The following RBFOX1 variants were observed in gnomAD, a reference collection of about 807,000 sequenced individuals.
RBFOX1 encodes RNA binding fox-1 homolog 1.
RBFOX1 carries 8 observed loss-of-function variants against 57.7 expected under a neutral mutation model. That is an observed-to-expected ratio of 0.14 (90% CI 0.08 to 0.25). The LOEUF (loss-of-function observed/expected upper bound fraction) is 0.25. RBFOX1 is among the 10% of genes least tolerant of loss of function. The probability of loss-of-function intolerance (pLI) is 1.00; values close to 1 mark genes in which losing one functional copy is unlikely to be tolerated. For synonymous variants in RBFOX1, 326 were observed against 222.4 expected (o/e 1.47, Z -4.15); for missense variants, 611 against 548.5 (o/e 1.11, Z -1.14).
intron 4 of RBFOX1, among the ~76,000 whole-genome samples, chr16:5,903,021 C>T (rs2058345496): frequency 6.6e-6 from 1 of 152,126 alleles, no homozygotes; most frequent in Non-Finnish European, 1.5e-5. Flanking sequence ...CCCTTTCCAG[C>T]CTCCCATGGT....
At chr16:5,761,746 C>G (rs2151646363) in intron 3 of RBFOX1, among the ~76,000 whole-genome samples, 2 of 152,306 alleles carry the variant, frequency 1.3e-5, no homozygotes, top group Middle Eastern at 6.8e-3. Flanking sequence ...ACACAGCAAA[C>G]TCTATCAGGC....
chr16:7,597,540 T>C, intron 9 of RBFOX1, 109 bp downstream of exon 9: 1 of 992,566 alleles, frequency 1.0e-6, no homozygotes, highest in Non-Finnish European at 1.5e-6. Context: ...GCATTGACAC[T>C]GTGTTTTTAC....
At chr16:6,878,560 C>T (rs1217230445) in intron 3 of RBFOX1, among the ~76,000 whole-genome samples, 2 of 152,190 alleles carry the variant, frequency 1.3e-5, no homozygotes, top group Admixed American at 6.5e-5. Flanking sequence ...GTTGCCACAG[C>T]ATCACATGGC....
At chr16:6,355,285 GC>G (rs1300777711) in intron 2 of RBFOX1, among the ~76,000 whole-genome samples, 2 of 150,722 alleles carry the variant, frequency 1.3e-5, no homozygotes, top group Non-Finnish European at 3.0e-5. Flanking sequence ...CACTCCCCCA[GC>G]CCCCCAGCCC....
At chr16:6,081,388 T>C (rs929111030) in intron 1 of RBFOX1, among the ~76,000 whole-genome samples, 6 of 152,160 alleles carry the variant, frequency 3.9e-5, no homozygotes, top group Non-Finnish European at 8.8e-5. Flanking sequence ...TGTTTCTCTG[T>C]CGGATGCCTG....
At chr16:7,285,075 CTTTTTT>C (rs58959488) in intron 4 of RBFOX1, among the ~76,000 whole-genome samples, 1,553 of 42,406 alleles carry the variant, frequency 0.037, 17 homozygotes, top group East Asian at 0.091. Context: ...AGATTCCTTA[CTTTTTT>C]TTTTTTTTTT....
chr16:6,837,231 T>A (rs1041452975), intron 3 of RBFOX1, among the ~76,000 whole-genome samples: 2 of 152,200 alleles, frequency 1.3e-5, no homozygotes, highest in African/African-American at 4.8e-5. Flanking sequence ...ATCTCCGTGT[T>A]TTAACACTTG....
chr16:6,812,884 C>T (rs980089322), intron 3 of RBFOX1, among the ~76,000 whole-genome samples: 1 of 152,136 alleles, frequency 6.6e-6, no homozygotes, highest in South Asian at 2.1e-4. Flanking sequence ...AGTCCTTTGT[C>T]CATCATGTCA....
chr16:6,181,265 C>A (rs1263130829), intron 1 of RBFOX1, among the ~76,000 whole-genome samples: 1 of 152,188 alleles, frequency 6.6e-6, no homozygotes, highest in Non-Finnish European at 1.5e-5. Flanking sequence ...GGCAACTGAG[C>A]TGCCAGTACT....
chr16:6,713,694 T>C (rs1025717853), intron 3 of RBFOX1, among the ~76,000 whole-genome samples: 4 of 152,196 alleles, frequency 2.6e-5, no homozygotes, highest in African/African-American at 7.2e-5. Flanking sequence ...CCCTTGTTTT[T>C]AGACATTTGC....
Position 6,125,175 on chromosome 16 carries a change from TTACCTCCTCTTACAGTCA to T in RBFOX1, c.-127+105186_-127+105203del, listed in dbSNP as rs1349179889. On this transcript the variant is annotated intron_variant, in intron 1 of 15. Coordinates refer to ENST00000550418, the MANE Select transcript of RBFOX1 (RefSeq NM_018723.4). ...CATTGTGCAGCTCCCTGTGCATGTG[TTACCTCCTCTTACAGTCA>T]TATCTTTGTCAAGCCCCCAAATCCT... Among the ~76,000 whole-genome samples, 4 of 152,324 alleles carry T rather than the reference TTACCTCCTCTTACAGTCA, an allele frequency of 2.6e-5. No individual in the cohort carries two copies. In the East Asian group the frequency reaches 7.7e-4, roughly 29 times the overall value.
chr16:5,552,631 A>G (rs1178927670), intron 2 of RBFOX1, among the ~76,000 whole-genome samples: 1 of 152,092 alleles, frequency 6.6e-6, no homozygotes, highest in Admixed American at 6.6e-5. Context: ...AAGTGTAGAG[A>G]AGTTGGCCAG....
chr16:7,111,356 G>A (rs1871257), intron 4 of RBFOX1, among the ~76,000 whole-genome samples: 133,099 of 152,276 alleles, frequency 0.87, 58,577 homozygotes, highest in East Asian at 1. Flanking sequence ...GAGCGGCACT[G>A]TTTTCCCTAC....
chr16:5,500,599 T>G (rs2043160262), intron 2 of RBFOX1, among the ~76,000 whole-genome samples: 1 of 152,186 alleles, frequency 6.6e-6, no homozygotes, highest in Non-Finnish European at 1.5e-5. Context: ...ATCAGCTATG[T>G]CAGGACCTAG....
chr16:6,859,605 T>C (rs1043156821), intron 3 of RBFOX1, among the ~76,000 whole-genome samples: 7 of 152,122 alleles, frequency 4.6e-5, no homozygotes, highest in African/African-American at 1.7e-4. Context: ...TTCAGAGATC[T>C]TCCTGCCGCC....
chr16:7,156,964 TA>T (rs1321248206), intron 4 of RBFOX1, among the ~76,000 whole-genome samples: 1 of 152,162 alleles, frequency 6.6e-6, no homozygotes, highest in Non-Finnish European at 1.5e-5. Context: ...AAAGTGCCTT[TA>T]AAAAAACACT....
chr16:7,252,911 T>C (rs1268688961), intron 4 of RBFOX1, among the ~76,000 whole-genome samples: 1 of 152,132 alleles, frequency 6.6e-6, no homozygotes, highest in African/African-American at 2.4e-5. Flanking sequence ...TCTTAGAGCC[T>C]CCAAAAATGC....
At chr16:5,346,262 T>TA (rs1206673382) in intron 1 of RBFOX1, among the ~76,000 whole-genome samples, 1 of 152,136 alleles carries the variant, frequency 6.6e-6, no homozygotes, top group African/African-American at 2.4e-5. Flanking sequence ...AGACAGGGAA[T>TA]AAAAAAGTCT....
intron 3 of RBFOX1, among the ~76,000 whole-genome samples, chr16:5,830,817 T>C (rs1009500989): frequency 6.6e-6 from 1 of 152,078 alleles, no homozygotes; most frequent in Non-Finnish European, 1.5e-5. Flanking sequence ...TAGCTCAGGG[T>C]CTTCAGACTG....
Sources: allele counts gnomAD v4.1 joint callset (sites outside exome capture counted in the v4.1 genomes callset), GRCh38; gene constraint gnomAD v4.1.1; transcripts MANE v1.5; gene names NCBI Gene and HGNC (gene_info 2026-07-23, HGNC 2026-07-21).